The following FAM8A1 variants were observed in gnomAD, a reference collection of about 807,000 sequenced individuals.
The protein encoded by FAM8A1 is family with sequence similarity 8 member A1.
FAM8A1 carries 18 observed loss-of-function variants against 38.3 expected under a neutral mutation model. The ratio of observed to expected loss-of-function variants is 0.47; its 90% CI spans 0.33 to 0.70. The LOEUF (loss-of-function observed/expected upper bound fraction) is 0.70, where lower values mean the gene tolerates loss of function less well. Among genes scored for constraint, FAM8A1 ranks in the 30% least tolerant of loss-of-function variants. The pLI, the probability that FAM8A1 is intolerant of heterozygous loss-of-function variation, is 0.03. For synonymous variants in FAM8A1, 246 were observed against 234.4 expected, an observed-to-expected ratio of 1.05 and a Z score of -0.45; for missense variants, 559 against 559.6, an observed-to-expected ratio of 1.00 and a Z score of 0.01.
Position 17,601,103 on chromosome 6 carries a change from G to A in FAM8A1, c.694G>A (p.Glu232Lys). The A allele has an allele frequency of 6.3e-7, 1 of 1,594,532 alleles. No homozygotes were observed. Among genetic ancestry groups the A allele is most frequent in the Non-Finnish European group, 8.5e-7 (1 of 1,173,218 alleles). Residue 232 changes from glutamate to lysine, a missense_variant, in exon 1 of 5, where the codon GAG becomes AAG. Transcript: ENST00000259963. ...GSAAPSRSPS[E>K]TGRQAGREYV... ...CGCAGCCCCTTCGCGAAGCCCGAGCGAGACCGGGCGACAGGCAGGTGAGAA... is the reference window on the plus strand; with the variant it reads ...CGCAGCCCCTTCGCGAAGCCCGAGCAAGACCGGGCGACAGGCAGGTGAGAA...
intron 1 of FAM8A1, among the ~76,000 whole-genome samples, chr6:17,602,232 T>C (rs1763994736): frequency 6.6e-6 from 1 of 152,254 alleles, no homozygotes; most frequent in Non-Finnish European, 1.5e-5. Flanking sequence ...GGTTTCGCCA[T>C]GTTGGCCAGG....
In FAM8A1 at chr6:17,600,923, T is replaced by A; in HGVS notation, c.514T>A (p.Tyr172Asn). The A allele has an allele frequency of 6.3e-7, 1 of 1,594,660 alleles. No homozygotes were observed. The change falls in exon 1 of 5, where the codon TAC becomes AAC. Residue 172 changes from tyrosine (Y) to asparagine (N), a missense_variant. Tyr to Asn is a moderately radical substitution (Grantham distance 143). This residue lies in a region of FAM8A1 where 393 missense variants were observed against 338.9 expected (regional missense o/e 1.16). Transcript: ENST00000259963. ...AAPPPPQLGYYNPFYFLSPGA... is the reference protein window; with the variant it reads ...AAPPPPQLGYNNPFYFLSPGA... ...GCCGCCGCCCCCGCAGCTGGGCTAT[T>A]ACAACCCCTTCTACTTCCTGAGCCC...
At chr6:17,607,063 A>G (rs1764061619) in intron 4 of FAM8A1, among the ~76,000 whole-genome samples, 1 of 152,080 alleles carries the variant, frequency 6.6e-6, no homozygotes, top group Admixed American at 6.6e-5. Context: ...GATCGAGACC[A>G]TCCTGGCTAA....
chr6:17,610,607 G>C lies in FAM8A1; in HGVS notation c.*2268G>C, dbSNP rs1561842950. The C allele has an allele frequency of 6.6e-6, 1 of 152,034 alleles. No homozygotes were observed. Among genetic ancestry groups the C allele is most frequent in the East Asian group, 1.9e-4 (1 of 5,170 alleles). 9.4% of individuals were successfully genotyped at this position (152,034 alleles called of 1,614,324 possible). ...TTAGTGCCACATATTTTTCTCTTGGGGTTGTAAGGTAGTCTCCTGCTTTCC... is the reference window on the plus strand; with the variant it reads ...TTAGTGCCACATATTTTTCTCTTGGCGTTGTAAGGTAGTCTCCTGCTTTCC... On this transcript the variant is annotated 3_prime_UTR_variant, in exon 5 of 5. Coordinates refer to ENST00000259963, the MANE Select transcript of FAM8A1 (RefSeq NM_016255.3).
At position 17,608,944 on chromosome 6, in the gene FAM8A1, A is replaced by T. The variant is rs1764096978; in HGVS notation, c.*605A>T. 1 of 152,174 alleles carries T rather than the reference A, an allele frequency of 6.6e-6. No homozygotes were observed. The highest frequency in any genetic ancestry group is 1.5e-5 in the Non-Finnish European group (1 of 68,028). 9.4% of individuals were successfully genotyped at this position (152,174 alleles called of 1,614,324 possible). A position where few individuals can be genotyped will look rare whatever the true frequency, so the allele number is the denominator to read the frequency against. On this transcript the variant is annotated 3_prime_UTR_variant, in exon 5 of 5. Coordinates refer to ENST00000259963, the MANE Select transcript of FAM8A1 (RefSeq NM_016255.3). ...CATACTGCAGTTCCCTCTCGTAATG[A>T]TGTAACTTTACAACTATTCTTAATG...
intron 2 of FAM8A1, among the ~76,000 whole-genome samples, chr6:17,603,202 A>G (rs904529977): frequency 1.3e-5 from 2 of 152,272 alleles, no homozygotes. Flanking sequence ...TTCCAGATTA[A>G]CAATAATCAT....
In FAM8A1 at chr6:17,602,791, G is replaced by A. The variant is rs1764004102; in HGVS notation, c.833+81G>A. The A allele has an allele frequency of 3.7e-6, 5 of 1,357,474 alleles. No individual in the cohort carries two copies. In the East Asian group the frequency reaches 7.2e-5, roughly 19 times the overall value. 84.1% of individuals were successfully genotyped at this position (1,357,474 alleles called of 1,614,324 possible). On this transcript the variant is annotated intron_variant, in intron 2 of 4. Coordinates refer to ENST00000259963, the MANE Select transcript of FAM8A1 (RefSeq NM_016255.3). ...TTTATTACATTCTGTTTGTCTACACGTGACTATATGGATAATGGGCTTGTC... is the reference window on the plus strand; with the variant it reads ...TTTATTACATTCTGTTTGTCTACACATGACTATATGGATAATGGGCTTGTC...
In FAM8A1 at chr6:17,608,313, G is replaced by A; in HGVS notation, c.1216G>A (p.Val406Met). ...TAYDIVAGTI[V>M]VKRNGVR is the part of the protein sequence containing the mutation. The stretch of plus-strand genomic sequence containing the variant: ...TTATGACATTGTAGCAGGAACCATT[G>A]TGGTAAAAAGAAATGGGGTCAGATG... The change falls in exon 5 of 5, where the codon GTG (valine) becomes ATG (methionine). Residue 406 changes from valine (V) to methionine (M), a missense_variant. Coordinates refer to ENST00000259963, the MANE Select transcript of FAM8A1 (RefSeq NM_016255.3). 1 of 1,611,678 alleles carries A rather than the reference G, an allele frequency of 6.2e-7. No individual in the cohort carries two copies. The highest frequency in any genetic ancestry group is 8.5e-7 in the Non-Finnish European group (1 of 1,179,512).
chr6:17,601,238 G>A, intron 1 of FAM8A1, 117 bp downstream of exon 1: 1 of 1,335,458 alleles, frequency 7.5e-7, no homozygotes, highest in Middle Eastern at 2.2e-4. Flanking sequence ...TGACTATCCT[G>A]CCCGTTCAGT....
chr6:17,605,126 G>T (rs1764035639), intron 3 of FAM8A1, 97 bp downstream of exon 3: 1 of 1,140,906 alleles, frequency 8.8e-7, no homozygotes, highest in Non-Finnish European at 1.2e-6. Flanking sequence ...TGTCACCCAG[G>T]CTGGAGTGCA....
chr6:17,606,797 A>G (rs1764058811), intron 4 of FAM8A1, among the ~76,000 whole-genome samples: 3 of 152,142 alleles, frequency 2.0e-5, no homozygotes, highest in Non-Finnish European at 2.9e-5. Flanking sequence ...GGAAGGTACA[A>G]CCAGTGATAA....
chr6:17,604,256 T>C (rs1426234725), intron 2 of FAM8A1, among the ~76,000 whole-genome samples: 1 of 152,106 alleles, frequency 6.6e-6, no homozygotes, highest in Non-Finnish European at 1.5e-5. Flanking sequence ...CTGAATTTCA[T>C]CATGTGGTTT....
Position 17,602,676 on chromosome 6 carries a change from A to C in FAM8A1, c.799A>C (p.Ile267Leu). 6.2e-7 allele frequency: 1 copy of C among 1,613,198 alleles called. No individual in the cohort carries two copies. ...FFILFFIKATIVLSIMHLSGI... is the reference protein window; with the variant it reads ...FFILFFIKATLVLSIMHLSGI... ...TATTCTCTTCTTTATAAAAGCAACCATTGTCTTAAGCATTATGCACCTCAG... is the reference window on the plus strand; with the variant it reads ...TATTCTCTTCTTTATAAAAGCAACCCTTGTCTTAAGCATTATGCACCTCAG... Residue 267 changes from isoleucine to leucine, a missense_variant, in exon 2 of 5, where the codon ATT becomes CTT. Around this residue, in one of 2 missense-constraint regions of FAM8A1, gnomAD observed 166 missense variants for 220.8 expected, o/e 0.75. Coordinates refer to ENST00000259963, the MANE Select transcript of FAM8A1 (RefSeq NM_016255.3).
intron 4 of FAM8A1, among the ~76,000 whole-genome samples, chr6:17,607,979 A>T (rs563770741): frequency 3.1e-4 from 47 of 152,314 alleles, no homozygotes; most frequent in Admixed American, 5.9e-4. Flanking sequence ...TCTTATTAGA[A>T]ATAGCCCAGG....
chr6:17,608,738 T>TA lies in FAM8A1; in HGVS notation c.*400dup, dbSNP rs1764094147. Reference sequence around the variant, plus strand: ...TGTCCAGTTGTGTTTTGTAAACACCTATGTAACTCATCTTTTAGTTTACAC... The same window carrying TA: ...TGTCCAGTTGTGTTTTGTAAACACCTAATGTAACTCATCTTTTAGTTTACAC... On this transcript the variant is annotated 3_prime_UTR_variant, in exon 5 of 5. Transcript: ENST00000259963. 2 of 153,734 alleles carry TA rather than the reference T, an allele frequency of 1.3e-5. No homozygotes were observed. The highest frequency in any genetic ancestry group is 4.8e-5 in the African/African-American group (2 of 41,520). 9.5% of individuals were successfully genotyped at this position (153,734 alleles called of 1,614,324 possible).
At position 17,600,590 on chromosome 6, in the gene FAM8A1, G is replaced by A; in HGVS notation, c.181G>A (p.Ala61Thr). 6 of 1,488,676 alleles carry A rather than the reference G, an allele frequency of 4.0e-6. No individual in the cohort carries two copies. The highest frequency in any genetic ancestry group is 1.3e-5 in the South Asian group (1 of 77,000). The allele number at this position is 1,488,676 out of a possible 1,614,324, so 92.2% of individuals were successfully genotyped here. The change falls in exon 1 of 5, where the codon GCC (alanine) becomes ACC (threonine). Residue 61 changes from alanine (A) to threonine (T), a missense_variant. This residue lies in a region of FAM8A1 where 393 missense variants were observed against 338.9 expected (regional missense o/e 1.16). Coordinates refer to ENST00000259963, the MANE Select transcript of FAM8A1 (RefSeq NM_016255.3). ...GCCCACAGCCCCGGGCCTCGCGGCT[G>A]CCGCCGCAGCCGACAAATTGGAGCC... ...GRPTAPGLAA[A>T]AAADKLEPPR...
At chr6:17,601,373 C>T (rs911727854) in intron 1 of FAM8A1, among the ~76,000 whole-genome samples, 9 of 152,194 alleles carry the variant, frequency 5.9e-5, no homozygotes, top group South Asian at 2.1e-4. Flanking sequence ...GTTGTTTATT[C>T]GTGAAAAGAA....
At position 17,609,011 on chromosome 6, in the gene FAM8A1, A is replaced by G. The variant is rs1219493550; in HGVS notation, c.*672A>G. 6.6e-6 allele frequency: 1 copy of G among 152,214 alleles called. No homozygotes were observed. Among genetic ancestry groups the G allele is most frequent in the African/African-American group, 2.4e-5 (1 of 41,440 alleles). 9.4% of individuals were successfully genotyped at this position (152,214 alleles called of 1,614,324 possible). A position where few individuals can be genotyped will look rare whatever the true frequency, so the allele number is the denominator to read the frequency against. ...GGGGCAAGTTTCTCATGATGATGAA[A>G]AAGTATCAAGTCATATTGCTATGTT... On this transcript the variant is annotated 3_prime_UTR_variant, in exon 5 of 5. Coordinates refer to ENST00000259963, the MANE Select transcript of FAM8A1 (RefSeq NM_016255.3).
Position 17,600,909 on chromosome 6 carries a change from C to A in FAM8A1, c.500C>A (p.Pro167Gln). 1.9e-6 allele frequency: 3 copies of A among 1,589,020 alleles called. No individual in the cohort carries two copies. Among genetic ancestry groups the A allele is most frequent in the Non-Finnish European group, 2.6e-6 (3 of 1,171,236 alleles). Residue 167 changes from proline (P) to glutamine (Q), a missense_variant, in exon 1 of 5, where the codon CCG becomes CAG. Transcript: ENST00000259963. ...AVPQAAAPPP[P>Q]QLGYYNPFYF... Reference sequence around the variant, plus strand: ...CCCCAGGCCGCGGCGCCGCCGCCCCCGCAGCTGGGCTATTACAACCCCTTC... The same window carrying A: ...CCCCAGGCCGCGGCGCCGCCGCCCCAGCAGCTGGGCTATTACAACCCCTTC...
Sources: allele counts gnomAD v4.1 joint callset (sites outside exome capture counted in the v4.1 genomes callset), GRCh38; gene constraint gnomAD v4.1.1; regional missense constraint gnomAD v4.1.1; transcripts MANE v1.5; gene names NCBI Gene and HGNC (gene_info 2026-07-23, HGNC 2026-07-21).